The following GOLGA6C variants were observed in gnomAD, a reference collection of about 807,000 sequenced individuals.
GOLGA6C encodes the protein golgin subfamily A member 6C.
GOLGA6C carries 3 observed loss-of-function variants against 57.5 expected under a neutral mutation model. That is an observed-to-expected ratio of 0.05 (90% CI 0.02 to 0.13). GOLGA6C has a LOEUF of 0.13. Among genes scored for constraint, GOLGA6C ranks in the 10% least tolerant of loss-of-function variants. GOLGA6C has a pLI of 1.00. For missense variants in GOLGA6C, 88 were observed against 525.6 expected (o/e 0.17, Z 8.14); for synonymous variants, 32 against 203.8 (o/e 0.16, Z 7.18).
At position 75,273,292 on chromosome 15, in the gene GOLGA6C, G is replaced by A. The variant is rs1457605916; in HGVS notation, c.*3093G>A. On this transcript the variant is annotated 3_prime_UTR_variant, in exon 18 of 18. Transcript: ENST00000300576. ...AAAGAAATGCCAATTCCAATGCAAG[G>A]CTTTATTTGCCAAGTTTTCTTAGAA... 5.3e-5 allele frequency among the ~76,000 whole-genome samples: 8 copies of A among 151,686 alleles called. No homozygotes were observed. The highest frequency in any genetic ancestry group is 1.9e-4 in the African/African-American group (8 of 41,162).
Position 75,260,356 on chromosome 15 carries a change from G to C in GOLGA6C, c.85-17G>C. On this transcript the variant is annotated splice_polypyrimidine_tract_variant and intron_variant, in intron 1 of 17. Coordinates refer to ENST00000300576, the MANE Select transcript of GOLGA6C (RefSeq NM_001164404.2). ...GCTGGTAGTTCTCATGTGTATTACT[G>C]CTCTTCTTTCCCACAGCTAAAAGAA... 1 of 1,600,552 alleles carries C rather than the reference G, an allele frequency of 6.2e-7. No individual in the cohort carries two copies. The highest frequency in any genetic ancestry group is 8.5e-7 in the Non-Finnish European group (1 of 1,174,336).
Position 75,270,200 on chromosome 15 carries a change from G to A in GOLGA6C, c.*1G>A, listed in dbSNP as rs756594769. On this transcript the variant is annotated 3_prime_UTR_variant, in exon 18 of 18. Coordinates refer to ENST00000300576, the MANE Select transcript of GOLGA6C (RefSeq NM_001164404.2). ...GTCTCCTGTCATGCAGGACACCTAG[G>A]AGCACCCAGGCTTGCCCAGCAAACC... 1.9e-6 allele frequency: 3 copies of A among 1,592,768 alleles called. No homozygotes were observed. Among genetic ancestry groups the A allele is most frequent in the Non-Finnish European group, 2.6e-6 (3 of 1,174,454 alleles).
At position 75,260,343 on chromosome 15, in the gene GOLGA6C, CAT is replaced by C; in HGVS notation, c.85-29_85-28del. The C allele has an allele frequency of 1.9e-6, 3 of 1,600,240 alleles. No homozygotes were observed. In the South Asian group the frequency reaches 3.3e-5, roughly 18 times the overall value. ...TGTGGCTGTAAGGGCTGGTAGTTCTCATGTGTATTACTGCTCTTCTTTCCCAC... is the reference window on the plus strand; with the variant it reads ...TGTGGCTGTAAGGGCTGGTAGTTCTCGTGTATTACTGCTCTTCTTTCCCAC... On this transcript the variant is annotated intron_variant, in intron 1 of 17. Transcript: ENST00000300576.
chr15:75,258,552 T>C lies in GOLGA6C; in HGVS notation c.-47T>C, dbSNP rs2070717640. On this transcript the variant is annotated 5_prime_UTR_variant, in exon 1 of 18. Transcript: ENST00000300576. ...AGTGTGGCCCTGGTTACGCCTCCTC[T>C]GGCTCAGTCACACAGCAGCCTTGTA... 7 of 476,378 alleles carry C rather than the reference T, an allele frequency of 1.5e-5. No individual in the cohort carries two copies. Among genetic ancestry groups the C allele is most frequent in the Middle Eastern group, 5.0e-4 (1 of 2,000 alleles). The allele number at this position is 476,378 out of a possible 1,614,324, so 29.5% of individuals were successfully genotyped here.
intron 14 of GOLGA6C, among the ~76,000 whole-genome samples, chr15:75,269,251 G>T (rs937825428): frequency 6.8e-6 from 1 of 146,588 alleles, no homozygotes; most frequent in African/African-American, 2.6e-5. Context: ...TCATCTGGTG[G>T]CCTTGGCCTG....
chr15:75,258,774 A>C lies in GOLGA6C; in HGVS notation c.84+92A>C, dbSNP rs1172139527. ...ACTCCCAGAGTCCATACCACTCCTG[A>C]GGCACACCGGGCTGGGCCCCCCTAC... On this transcript the variant is annotated intron_variant, in intron 1 of 17. Coordinates refer to ENST00000300576, the MANE Select transcript of GOLGA6C (RefSeq NM_001164404.2). 5 of 641,250 alleles carry C rather than the reference A, an allele frequency of 7.8e-6. No homozygotes were observed. In the Admixed American group the frequency reaches 1.3e-4, roughly 17 times the overall value. The allele number at this position is 641,250 out of a possible 1,614,324, so 39.7% of individuals were successfully genotyped here. A position where few individuals can be genotyped will look rare whatever the true frequency, so the allele number is the denominator to read the frequency against.
At position 75,270,166 on chromosome 15, in the gene GOLGA6C, C is replaced by T. The variant is rs777535049; in HGVS notation, c.2049C>T (p.Ile683=). 170 of 1,592,172 alleles carry T rather than the reference C, an allele frequency of 1.1e-4. 19 individuals carry two copies. The South Asian group carries it at 1.1e-3, about 10-fold the overall frequency. ...SPHDNPPVQQ[I]VQLSPVMQDT is the part of the protein sequence containing the mutation. ...ATGACAACCCCCCGGTACAGCAGAT[C>T]GTGCAGCTGTCTCCTGTCATGCAGG... is the stretch of plus-strand genomic sequence containing the variant. The change falls in exon 18 of 18, where the codon ATC becomes ATT. Residue 683 remains isoleucine (I), a synonymous_variant. Coordinates refer to ENST00000300576, the MANE Select transcript of GOLGA6C (RefSeq NM_001164404.2).
At chr15:75,270,036 C>T (rs1291819434) in intron 17 of GOLGA6C, 36 bp from the exon 18 acceptor site, 2 of 1,600,830 alleles carry the variant, frequency 1.2e-6, no homozygotes, top group Admixed American at 3.4e-5. Flanking sequence ...GGGAGGCTCG[C>T]ACTGTGCTCA....
At position 75,273,111 on chromosome 15, in the gene GOLGA6C, T is replaced by C. The variant is rs2070797709; in HGVS notation, c.*2912T>C. The stretch of plus-strand genomic sequence containing the variant: ...ATATAAATCAGCCCTATGCATAATA[T>C]AGTTTCTCTAAAACTTTATCTTAAA... On this transcript the variant is annotated 3_prime_UTR_variant, in exon 18 of 18. Coordinates refer to ENST00000300576, the MANE Select transcript of GOLGA6C (RefSeq NM_001164404.2). 6.6e-6 allele frequency among the ~76,000 whole-genome samples: 1 copy of C among 152,156 alleles called. No homozygotes were observed. The highest frequency in any genetic ancestry group is 1.5e-5 in the Non-Finnish European group (1 of 68,056).
At position 75,258,626 on chromosome 15, in the gene GOLGA6C, C is replaced by A; in HGVS notation, c.28C>A (p.His10Asn). MWPQPYLPP[H>N]PMMLEESRQN... ...GTGGCCCCAACCCTACCTCCCTCCC[C>A]ACCCCATGATGTTAGAAGAATCTCG... Residue 10 changes from histidine (H) to asparagine (N), a missense_variant, in exon 1 of 18, where the codon CAC (histidine) becomes AAC (asparagine). His to Asn is a moderately conservative substitution (Grantham distance 68). Coordinates refer to ENST00000300576, the MANE Select transcript of GOLGA6C (RefSeq NM_001164404.2). The A allele has an allele frequency of 3.6e-6, 2 of 554,586 alleles. No individual in the cohort carries two copies. Among genetic ancestry groups the A allele is most frequent in the South Asian group, 3.9e-5 (2 of 51,730 alleles). 34.4% of individuals were successfully genotyped at this position (554,586 alleles called of 1,614,324 possible).
In GOLGA6C at chr15:75,273,213, A is replaced by C. The variant is rs1463181740; in HGVS notation, c.*3014A>C. Among the ~76,000 whole-genome samples, 2 of 152,136 alleles carry C rather than the reference A, an allele frequency of 1.3e-5. No individual in the cohort carries two copies. The highest frequency in any genetic ancestry group is 2.4e-5 in the African/African-American group (1 of 41,358). ...GTTTTGAAATAAGTTAAAACACTTT[A>C]AAATATGAATACTGTAGTTTGAAAG... is the stretch of plus-strand genomic sequence containing the variant. On this transcript the variant is annotated 3_prime_UTR_variant, in exon 18 of 18. Transcript: ENST00000300576.
intron 1 of GOLGA6C, among the ~76,000 whole-genome samples, chr15:75,259,241 C>T (rs1285639151): frequency 6.8e-6 from 1 of 147,810 alleles, no homozygotes; most frequent in Admixed American, 6.6e-5. Context: ...CCCCCACCCC[C>T]AGGAGGAGTG....
At chr15:75,265,087 C>T in intron 7 of GOLGA6C, 35 bp from the exon 8 acceptor site, 1 of 1,606,216 alleles carries the variant, frequency 6.2e-7, no homozygotes, top group Middle Eastern at 1.9e-4. Context: ...TGCCCGGGCT[C>T]CCCAGATCAA....
Position 75,272,690 on chromosome 15 carries a change from C to T in GOLGA6C, c.*2491C>T, listed in dbSNP as rs1422403970. On this transcript the variant is annotated 3_prime_UTR_variant, in exon 18 of 18. Transcript: ENST00000300576. ...TGAATGTACTATATTAACTGAAATA[C>T]CACTCTTTGTGTAGGTATTCTGTCA... Among the ~76,000 whole-genome samples, 1 of 151,870 alleles carries T rather than the reference C, an allele frequency of 6.6e-6. No individual in the cohort carries two copies. Among genetic ancestry groups the T allele is most frequent in the African/African-American group, 2.4e-5 (1 of 41,088 alleles).
At chr15:75,265,036 A>T (rs2070751536) in intron 7 of GOLGA6C, 86 bp from the exon 8 acceptor site, 1 of 1,520,108 alleles carries the variant, frequency 6.6e-7, no homozygotes, top group African/African-American at 1.4e-5. Context: ...TTACTAACCG[A>T]GTTGTATATT....
chr15:75,260,450 C>T lies in GOLGA6C; in HGVS notation c.162C>T (p.Ser54=), dbSNP rs2070730423. The T allele has an allele frequency of 2.6e-6, 4 of 1,561,314 alleles. No homozygotes were observed. Among genetic ancestry groups the T allele is most frequent in the Admixed American group, 1.7e-5 (1 of 58,168 alleles). ...AKTKKKKTDS[S]PETTTSGGGH... ...CAAAAAAGAAAAAAACTGACAGTAG[C>T]CCTGAGACAACCACTTCCGGTGGTG... Residue 54 remains serine (S), a synonymous_variant, in exon 2 of 18, where the codon AGC becomes AGT. Transcript: ENST00000300576.
Position 75,265,338 on chromosome 15 carries a change from G to T in GOLGA6C, c.673G>T (p.Val225Phe). Residue 225 changes from valine to phenylalanine, a missense_variant, in exon 9 of 18, where the codon GTC (valine) becomes TTC (phenylalanine). Physicochemically the swap from Val to Phe is conservative, Grantham distance 50. Coordinates refer to ENST00000300576, the MANE Select transcript of GOLGA6C (RefSeq NM_001164404.2). Reference sequence around the variant, plus strand: ...GCAGGTGACAGAGTCACTAAAACAAGTCCAGCTAGAGCGGGACGAATATGC... The same window carrying T: ...GCAGGTGACAGAGTCACTAAAACAATTCCAGCTAGAGCGGGACGAATATGC... The part of the protein sequence containing the change: ...VTQVTESLKQ[V>F]QLERDEYAKH... The T allele has an allele frequency of 6.2e-7, 1 of 1,604,772 alleles. No homozygotes were observed. Among genetic ancestry groups the T allele is most frequent in the South Asian group, 1.1e-5 (1 of 90,412 alleles).
intron 1 of GOLGA6C, 142 bp downstream of exon 1, chr15:75,258,824 C>T (rs1354243284): frequency 1.2e-6 from 1 of 806,878 alleles, no homozygotes; most frequent in Non-Finnish European, 2.1e-6. Context: ...GCTCCCCCCA[C>T]CAAAGTCTTG....
chr15:75,265,034 C>G, intron 7 of GOLGA6C, 88 bp from the exon 8 acceptor site: 1 of 1,489,392 alleles, frequency 6.7e-7, no homozygotes, highest in Admixed American at 1.8e-5. Flanking sequence ...CTTTACTAAC[C>G]GAGTTGTATA....
Sources: gnomAD v4.1 joint callset for allele counts (sites outside exome capture counted in the v4.1 genomes callset) on GRCh38, gnomAD v4.1.1 for gene constraint, MANE v1.5 for transcripts, NCBI Gene and HGNC (gene_info 2026-07-23, HGNC 2026-07-21) for gene names.